Variants in ZFP82 observed in about 807,000 individuals in gnomAD.
ZFP82 encodes zinc finger protein 82 homolog.
Under a neutral mutation model 54.0 loss-of-function variants are expected in ZFP82, and 30 were observed. That is an observed-to-expected ratio of 0.56 (90% CI 0.42 to 0.75). The LOEUF (loss-of-function observed/expected upper bound fraction) is 0.75. Ranked by LOEUF, ZFP82 falls within the 30% of genes least tolerant of loss-of-function variation. The pLI, the probability that ZFP82 is intolerant of heterozygous loss-of-function variation, is 0.00. For synonymous variants in ZFP82, 194 were observed against 209.5 expected (o/e 0.93, Z 0.64); for missense variants, 500 against 636.8 (o/e 0.79, Z 2.31).
rs781646270 is a variant in ZFP82, at chr19:36,392,903, C to T, written c.1437G>A (p.Glu479=). ...QSIHTGEKPF[E]CKECRKAFRL... ...TAAAGGCCTTCCTACATTCCTTACA[C>T]TCAAAGGGTTTTTCGCCAGTATGAA... The change falls in exon 5 of 5, where the codon GAG becomes GAA. Residue 479 remains glutamate (E), a synonymous_variant. Transcript: ENST00000392161. 3.1e-6 allele frequency: 5 copies of T among 1,612,914 alleles called. No homozygotes were observed. Among genetic ancestry groups the T allele is most frequent in the Non-Finnish European group, 4.2e-6 (5 of 1,179,696 alleles).
intron 3 of ZFP82, among the ~76,000 whole-genome samples, chr19:36,405,939 A>G (rs1439835494): frequency 6.6e-6 from 1 of 152,198 alleles, no homozygotes; most frequent in Non-Finnish European, 1.5e-5. Context: ...TGCTGGGTGC[A>G]AATCCTGCCT....
At chr19:36,401,060 CTTTTTTT>C (rs3086001) in intron 4 of ZFP82, among the ~76,000 whole-genome samples, 1 of 146,590 alleles carries the variant, frequency 6.8e-6, no homozygotes, top group Non-Finnish European at 1.5e-5. Context: ...GCTGCCCCTT[CTTTTTTT>C]TTTTTTTTAA....
In ZFP82 at chr19:36,416,382, A is replaced by G. The variant is rs140750208; in HGVS notation, c.-79+2110T>C. Among the ~76,000 whole-genome samples the G allele has an allele frequency of 4.1e-3, 618 of 152,330 alleles. 3 individuals are homozygous for G. The highest frequency in any genetic ancestry group is 0.031 in the Middle Eastern group (9 of 294). The stretch of plus-strand genomic sequence containing the variant: ...AAAAGTGGCATATTAACAGATATCT[A>G]TAACAATTTTACGTACAATTTCAAA... On this transcript the variant is annotated intron_variant, in intron 1 of 4. Coordinates refer to ENST00000392161, the MANE Select transcript of ZFP82 (RefSeq NM_133466.4).
At chr19:36,407,282 T>C (rs1335110732) in intron 3 of ZFP82, among the ~76,000 whole-genome samples, 1 of 151,708 alleles carries the variant, frequency 6.6e-6, no homozygotes, top group African/African-American at 2.4e-5. Context: ...TTCACCGTTT[T>C]AGCCGGGATG....
In ZFP82 at chr19:36,389,035, T is replaced by C. The variant is rs541290646; in HGVS notation, c.*3706A>G. On this transcript the variant is annotated 3_prime_UTR_variant, in exon 5 of 5. Coordinates refer to ENST00000392161, the MANE Select transcript of ZFP82 (RefSeq NM_133466.4). ...AAATAGTCTACAATTTCAGACTTGA[T>C]TTTCTTTCTTTTTTTTTTTTTTTGA... is the stretch of plus-strand genomic sequence containing the variant. Among the ~76,000 whole-genome samples, 17 of 126,648 alleles carry C rather than the reference T, an allele frequency of 1.3e-4. No individual in the cohort carries two copies. Among genetic ancestry groups the C allele is most frequent in the African/African-American group, 5.0e-4 (16 of 31,888 alleles). The allele number at this position is 126,648 out of a possible 152,430, so 83.1% of individuals were successfully genotyped here.
chr19:36,394,007 G>T lies in ZFP82; in HGVS notation c.333C>A (p.Gly111=). Residue 111 remains glycine, a synonymous_variant, in exon 5 of 5, where the codon GGC becomes GGA. Transcript: ENST00000392161. ...CATTTTTTAAAATGAGACCCTTAAG[G>T]CCATGGTTTTCAATTCTTTCCATTA... is the stretch of plus-strand genomic sequence containing the variant. ...WKIMERIENH[G]LKGLILKNDW... 6.2e-7 allele frequency: 1 copy of T among 1,611,956 alleles called. No individual in the cohort carries two copies. The highest frequency in any genetic ancestry group is 8.5e-7 in the Non-Finnish European group (1 of 1,179,556).
intron 2 of ZFP82, among the ~76,000 whole-genome samples, chr19:36,408,266 G>T (rs1045942074): frequency 1.3e-5 from 2 of 151,548 alleles, no homozygotes; most frequent in Middle Eastern, 3.4e-3. Context: ...GATACTCCTG[G>T]GAAAGAAAAA....
chr19:36,408,270 A>G (rs2032518610), intron 2 of ZFP82, among the ~76,000 whole-genome samples: 1 of 152,136 alleles, frequency 6.6e-6, no homozygotes, highest in South Asian at 2.1e-4. Flanking sequence ...CTCCTGGGAA[A>G]GAAAAAAAAA....
At chr19:36,406,494 T>C (rs1349536880) in intron 3 of ZFP82, among the ~76,000 whole-genome samples, 1 of 152,232 alleles carries the variant, frequency 6.6e-6, no homozygotes, top group African/African-American at 2.4e-5. Context: ...TAGAATCATA[T>C]AATATGTAAT....
chr19:36,409,730 G>A lies in ZFP82; in HGVS notation c.9+51C>T, dbSNP rs777464750. On this transcript the variant is annotated intron_variant, in intron 2 of 4. Transcript: ENST00000392161. The stretch of plus-strand genomic sequence containing the variant: ...TAAGGAAGTTTCAGAATAAAAAAAT[G>A]GTCACAGAACCTTAACATGATAGTA... The A allele has an allele frequency of 1.1e-5, 17 of 1,598,852 alleles. No individual in the cohort carries two copies. In the African/African-American group the frequency reaches 1.1e-4, roughly 10 times the overall value.
chr19:36,402,796 C>T (rs2032410662), intron 4 of ZFP82, among the ~76,000 whole-genome samples: 2 of 151,972 alleles, frequency 1.3e-5, no homozygotes, highest in Non-Finnish European at 2.9e-5. Flanking sequence ...GAGTTCAAGA[C>T]CAGCCTCAGC....
chr19:36,403,767 C>T (rs928459819), intron 4 of ZFP82, among the ~76,000 whole-genome samples: 2 of 135,428 alleles, frequency 1.5e-5, no homozygotes, highest in Admixed American at 7.9e-5. Flanking sequence ...TAGATGAATA[C>T]ATAGATAGAA....
chr19:36,397,777 G>A (rs1465814651), intron 4 of ZFP82, among the ~76,000 whole-genome samples: 2 of 151,798 alleles, frequency 1.3e-5, no homozygotes, highest in African/African-American at 4.8e-5. Context: ...TAGTAGAGAC[G>A]GGATTTCACC....
At chr19:36,401,919 C>G (rs2032391113) in intron 4 of ZFP82, among the ~76,000 whole-genome samples, 1 of 152,150 alleles carries the variant, frequency 6.6e-6, no homozygotes, top group South Asian at 2.1e-4. Flanking sequence ...AATATCACCT[C>G]AAGAAAGTCA....
intron 4 of ZFP82, among the ~76,000 whole-genome samples, chr19:36,402,033 C>G (rs2032393239): frequency 6.6e-6 from 1 of 152,172 alleles, no homozygotes; most frequent in African/African-American, 2.4e-5. Flanking sequence ...TTTAAGATGT[C>G]TAACTCTGAG....
intron 1 of ZFP82, among the ~76,000 whole-genome samples, chr19:36,414,758 AGGG>A (rs1019007617): frequency 1.3e-5 from 2 of 152,058 alleles, no homozygotes; most frequent in African/African-American, 4.8e-5. Context: ...GTAGCTCCAA[AGGG>A]ACACCATTCC....
At chr19:36,411,679 C>T (rs898614467) in intron 1 of ZFP82, among the ~76,000 whole-genome samples, 8 of 152,010 alleles carry the variant, frequency 5.3e-5, no homozygotes, top group African/African-American at 1.7e-4. Context: ...TCCTGGCTAA[C>T]ATGGTGAAAC....
At chr19:36,384,152 T>G (rs1450056173), downstream of ZFP82, 1 of 152,192 alleles carries the variant, frequency 6.6e-6, no homozygotes, top group Non-Finnish European at 1.5e-5. Flanking sequence ...AAACTCTTGC[T>G]TATGTACAGT....
At chr19:36,408,760 T>C (rs1356769666) in intron 2 of ZFP82, among the ~76,000 whole-genome samples, 1 of 152,010 alleles carries the variant, frequency 6.6e-6, no homozygotes, top group Non-Finnish European at 1.5e-5. Context: ...GAGGTTGTGG[T>C]GAGCCAAGAT....
Sources: allele counts gnomAD v4.1 joint callset (sites outside exome capture counted in the v4.1 genomes callset), GRCh38; gene constraint gnomAD v4.1.1; transcripts MANE v1.5; gene names NCBI Gene and HGNC (gene_info 2026-07-23, HGNC 2026-07-21).